The following SEMA3E variants were observed in gnomAD, a reference collection of about 807,000 sequenced individuals.
SEMA3E encodes semaphorin-3E.
Under a neutral mutation model 93.6 loss-of-function variants are expected in SEMA3E, and 49 were observed. That is an observed-to-expected ratio of 0.52 (90% confidence interval 0.42 to 0.66). The LOEUF is 0.66. SEMA3E is among the 30% of genes least tolerant of loss of function. The probability of loss-of-function intolerance (pLI) is 0.00; values close to 1 mark genes in which losing one functional copy is unlikely to be tolerated. For synonymous variants in SEMA3E, 363 were observed against 330.7 expected (o/e 1.10, Z -1.06); for missense variants, 906 against 964.8 (o/e 0.94, Z 0.81).
intron 4 of SEMA3E, among the ~76,000 whole-genome samples, chr7:83,462,660 C>T (rs56271028): frequency 1.3e-5 from 2 of 151,592 alleles, no homozygotes; most frequent in Non-Finnish European, 1.5e-5. Context: ...TATCCCATCC[C>T]GCAGCACGCT....
At chr7:83,537,572 G>A (rs115594528) in intron 1 of SEMA3E, among the ~76,000 whole-genome samples, 2,215 of 152,276 alleles carry the variant, frequency 0.015, 48 homozygotes, top group African/African-American at 0.048. Flanking sequence ...TCAGTAGGGT[G>A]AGGAATTCTG....
chr7:83,430,460 G>A lies in SEMA3E; in HGVS notation c.457-11977C>T, dbSNP rs540492510. On this transcript the variant is annotated intron_variant, in intron 4 of 16. Transcript: ENST00000643230. ...AGCCTGGGTGACGTTAAAAAAAAAAGAAAAGCCCAGATGAATACCACGGAA... is the reference window on the plus strand; with the variant it reads ...AGCCTGGGTGACGTTAAAAAAAAAAAAAAAGCCCAGATGAATACCACGGAA... Among the ~76,000 whole-genome samples, 4 of 151,784 alleles carry A rather than the reference G, an allele frequency of 2.6e-5. No individual in the cohort carries two copies. The East Asian group carries it at 7.8e-4, about 30-fold the overall frequency.
chr7:83,470,632 T>C (rs763311673), intron 2 of SEMA3E, among the ~76,000 whole-genome samples: 3 of 152,178 alleles, frequency 2.0e-5, no homozygotes, highest in Non-Finnish European at 4.4e-5. Flanking sequence ...GCAACTATTG[T>C]ATCCTGTTAC....
chr7:83,402,305 G>C (rs368609270), intron 10 of SEMA3E, among the ~76,000 whole-genome samples: 1 of 151,938 alleles, frequency 6.6e-6, no homozygotes, highest in African/African-American at 2.4e-5. Flanking sequence ...AGAGGAATAC[G>C]ATGTTCATGT....
chr7:83,406,179 T>C lies in SEMA3E; in HGVS notation c.814-120A>G, dbSNP rs991691784. 19 of 773,128 alleles carry C rather than the reference T, an allele frequency of 2.5e-5. No individual in the cohort carries two copies. In the African/African-American group the frequency reaches 2.8e-4, roughly 11 times the overall value. The allele number at this position is 773,128 out of a possible 1,614,324, so 47.9% of individuals were successfully genotyped here. On this transcript the variant is annotated intron_variant, in intron 7 of 16. Transcript: ENST00000643230. The stretch of plus-strand genomic sequence containing the variant: ...ACTTTTTTATTTAACTAGGAAAATT[T>C]GGCATAATTCTCAAGTAATGTCATA...
At chr7:83,505,568 C>T (rs546189752) in intron 1 of SEMA3E, among the ~76,000 whole-genome samples, 14 of 152,246 alleles carry the variant, frequency 9.2e-5, no homozygotes, top group Non-Finnish European at 1.6e-4. Flanking sequence ...ACTTCATAAA[C>T]TATTGTCATC....
chr7:83,631,651 C>T (rs1297099893), intron 1 of SEMA3E, among the ~76,000 whole-genome samples: 2 of 152,158 alleles, frequency 1.3e-5, no homozygotes, highest in Non-Finnish European at 2.9e-5. Context: ...CAGGGCACCA[C>T]ACACTGTTAC....
chr7:83,639,607 TAGAA>T (rs1407461490), intron 1 of SEMA3E, among the ~76,000 whole-genome samples: 1 of 150,844 alleles, frequency 6.6e-6, no homozygotes, highest in African/African-American at 2.4e-5. Context: ...TTACATAAAT[TAGAA>T]AGTATTATAA....
intron 1 of SEMA3E, among the ~76,000 whole-genome samples, chr7:83,644,087 T>C (rs144106650): frequency 4.8e-4 from 73 of 152,100 alleles, no homozygotes; most frequent in African/African-American, 1.5e-3. Flanking sequence ...TTATTTAACA[T>C]TGTGCTCTTT....
intron 4 of SEMA3E, among the ~76,000 whole-genome samples, chr7:83,423,823 A>T (rs1788718366): frequency 6.6e-6 from 1 of 152,058 alleles, no homozygotes; most frequent in Non-Finnish European, 1.5e-5. Context: ...GATTTTAAAA[A>T]TAGGGTACAG....
intron 4 of SEMA3E, among the ~76,000 whole-genome samples, chr7:83,450,796 T>C (rs1015794505): frequency 6.6e-6 from 1 of 152,242 alleles, no homozygotes; most frequent in African/African-American, 2.4e-5. Flanking sequence ...TCTGTTATGC[T>C]TAATTTATGT....
chr7:83,539,990 C>T (rs189700727), intron 1 of SEMA3E, among the ~76,000 whole-genome samples: 69 of 151,814 alleles, frequency 4.5e-4, no homozygotes, highest in Admixed American at 3.0e-3. Context: ...AAGCGATTCT[C>T]CTGCCTCAGT....
chr7:83,445,714 A>G (rs1789214418), intron 4 of SEMA3E, among the ~76,000 whole-genome samples: 1 of 152,044 alleles, frequency 6.6e-6, no homozygotes, highest in Admixed American at 6.6e-5. Flanking sequence ...GTGAGACTTC[A>G]TCTCAAATTA....
At chr7:83,368,412 T>G (rs951817469) in intron 16 of SEMA3E, among the ~76,000 whole-genome samples, 12 of 152,202 alleles carry the variant, frequency 7.9e-5, no homozygotes, top group Non-Finnish European at 1.6e-4. Context: ...CTAAAATTTA[T>G]TTTTTAACAT....
At chr7:83,508,370 C>T (rs1335883469) in intron 1 of SEMA3E, among the ~76,000 whole-genome samples, 1 of 150,752 alleles carries the variant, frequency 6.6e-6, no homozygotes, top group Non-Finnish European at 1.5e-5. Context: ...TCAAGTGATT[C>T]TCCTGCCTCA....
intron 4 of SEMA3E, among the ~76,000 whole-genome samples, chr7:83,433,435 C>T (rs900354545): frequency 1.3e-5 from 2 of 152,110 alleles, no homozygotes; most frequent in Admixed American, 6.5e-5. Context: ...ATTTACTAAC[C>T]GAAATTCTTA....
At chr7:83,626,498 G>A (rs1793673321) in intron 1 of SEMA3E, among the ~76,000 whole-genome samples, 2 of 152,080 alleles carry the variant, frequency 1.3e-5, no homozygotes, top group African/African-American at 2.4e-5. Context: ...TTGCATAGAG[G>A]TGTTTATAGT....
chr7:83,489,715 A>G (rs372809395), intron 2 of SEMA3E, among the ~76,000 whole-genome samples: 2 of 150,454 alleles, frequency 1.3e-5, no homozygotes, highest in East Asian at 2.0e-4. Context: ...CAACAGAACT[A>G]TATGAGGTAG....
chr7:83,382,449 A>G (rs143999431), intron 16 of SEMA3E, among the ~76,000 whole-genome samples: 1 of 151,956 alleles, frequency 6.6e-6, no homozygotes, highest in African/African-American at 2.4e-5. Context: ...TAGCTTCTGC[A>G]TGTGTAAGAT....
Sources: gnomAD v4.1 joint callset for allele counts (sites outside exome capture counted in the v4.1 genomes callset) on GRCh38, gnomAD v4.1.1 for gene constraint, MANE v1.5 for transcripts, NCBI Gene and HGNC (gene_info 2026-07-23, HGNC 2026-07-21) for gene names.